Variants in AP3B2 observed in about 807,000 individuals in gnomAD.
AP3B2 encodes adaptor related protein complex 3 subunit beta 2.
In AP3B2, 50 loss-of-function variants were observed where a neutral mutation model predicts 126.9. The ratio of observed to expected loss-of-function variants is 0.39; its 90% CI spans 0.31 to 0.50. The LOEUF is 0.50. Ranked by LOEUF, AP3B2 falls within the 20% of genes least tolerant of loss-of-function variation. AP3B2 has a pLI of 0.79. For missense variants in AP3B2, 1,177 were observed against 1,426.4 expected, an observed-to-expected ratio of 0.83 and a Z score of 2.82; for synonymous variants, 541 against 565.0, an observed-to-expected ratio of 0.96 and a Z score of 0.60.
chr15:82,663,704 T>C, intron 20 of AP3B2, 84 bp from the exon 21 acceptor site: 3 of 1,606,314 alleles, frequency 1.9e-6, no homozygotes, highest in Non-Finnish European at 2.6e-6. Flanking sequence ...TCATGTTCTG[T>C]TCTGGATGGT....
intron 1 of AP3B2, chr15:82,700,020 G>A (rs1006085362): frequency 2.5e-6 from 1 of 397,436 alleles, no homozygotes; most frequent in Non-Finnish European, 4.4e-6. Flanking sequence ...CAGAGACAAG[G>A]CCTCTAGAGG....
At chr15:82,695,666 A>G (rs542013929) in intron 1 of AP3B2, among the ~76,000 whole-genome samples, 7 of 152,252 alleles carry the variant, frequency 4.6e-5, no homozygotes, top group Admixed American at 3.9e-4. Context: ...TCTACCCTTT[A>G]TAATAAATGG....
At chr15:82,707,336 C>T (rs1286944749) in intron 1 of AP3B2, among the ~76,000 whole-genome samples, 2 of 152,236 alleles carry the variant, frequency 1.3e-5, no homozygotes, top group South Asian at 2.1e-4. Flanking sequence ...GGCCTGTCCT[C>T]GGAATGCTGC....
rs1567257388 is a variant in AP3B2 at position 82,665,429 on chromosome 15, A to ACT, written c.1971+27_1971+28insAG. ...CACACACACACACACACACACACAC[A>ACT]CACACTTCAACCCTCCACCCCGCTG... is the stretch of plus-strand genomic sequence containing the variant. On this transcript the variant is annotated intron_variant, in intron 16 of 26. Transcript: ENST00000535359. The surrounding 1 kb of genome is among the most constrained non-coding windows in gnomAD (Gnocchi z 4.4). 7.3e-7 allele frequency: 1 copy of ACT among 1,373,092 alleles called. No individual in the cohort carries two copies. The highest frequency in any genetic ancestry group is 2.4e-5 in the East Asian group (1 of 42,064). The allele number at this position is 1,373,092 out of a possible 1,614,324, so 85.1% of individuals were successfully genotyped here. A position where few individuals can be genotyped will look rare whatever the true frequency, so the allele number is the denominator to read the frequency against.
rs887013005 is a variant in AP3B2, at chr15:82,665,982, G to A, written c.1853-407C>T. Among the ~76,000 whole-genome samples the A allele has an allele frequency of 5.9e-5, 9 of 152,248 alleles. No individual in the cohort carries two copies. Among genetic ancestry groups the A allele is most frequent in the Non-Finnish European group, 8.8e-5 (6 of 68,042 alleles). On this transcript the variant is annotated intron_variant, in intron 15 of 26. Coordinates refer to ENST00000535359, the MANE Select transcript of AP3B2 (RefSeq NM_001278512.2). The surrounding 1 kb of genome is among the most constrained non-coding windows in gnomAD (Gnocchi z 4.4). Reference sequence around the variant, plus strand: ...GGCACTGCTGGAGGAGGGCAGCACAGGCCTGTGAGTGAGGATGGTGTCGGG... The same window carrying A: ...GGCACTGCTGGAGGAGGGCAGCACAAGCCTGTGAGTGAGGATGGTGTCGGG...
At chr15:82,674,990 A>G (rs759881763) in intron 14 of AP3B2, among the ~76,000 whole-genome samples, 5 of 152,104 alleles carry the variant, frequency 3.3e-5, no homozygotes, top group African/African-American at 4.8e-5. Flanking sequence ...GAGCATGTCA[A>G]GACTCCCACC....
chr15:82,667,532 T>C (rs948091270), intron 14 of AP3B2, among the ~76,000 whole-genome samples: 3 of 152,228 alleles, frequency 2.0e-5, no homozygotes, highest in Admixed American at 6.5e-5. Flanking sequence ...GCCAAGGTCA[T>C]GTAGGGTTCA....
chr15:82,661,965 T>C, intron 24 of AP3B2, 43 bp from the exon 25 acceptor site: 1 of 1,553,578 alleles, frequency 6.4e-7, no homozygotes, highest in Non-Finnish European at 8.8e-7. Context: ...AAGGCTGTCA[T>C]CTCTCCCCTC....
chr15:82,659,606 A>G lies in AP3B2; in HGVS notation c.3260T>C (p.Ile1087Thr), dbSNP rs1477653158. 3 of 1,613,924 alleles carry G rather than the reference A, an allele frequency of 1.9e-6. No individual in the cohort carries two copies. Among genetic ancestry groups the G allele is most frequent in the East Asian group, 4.5e-5 (2 of 44,878 alleles). Residue 1087 changes from isoleucine (I) to threonine (T), a missense_variant, in exon 27 of 27, where the codon ATT (isoleucine) becomes ACT (threonine). By Grantham distance (89) the Ile-to-Thr change is moderately conservative (BLOSUM62 -1). Coordinates refer to ENST00000535359, the MANE Select transcript of AP3B2 (RefSeq NM_001278512.2). ...QLTVNSEKMV[I>T]GTMLVKDVIQ... ...CACATCCTTTACCAGCATGGTGCCA[A>G]TCACCATTTTCTCGCTGTTGACAGT...
rs1389597270 is a variant in AP3B2, at chr15:82,659,469, TGAGAG to T, written c.*86_*90del. 2.7e-6 allele frequency: 4 copies of T among 1,493,306 alleles called. No homozygotes were observed. The highest frequency in any genetic ancestry group is 2.7e-6 in the Non-Finnish European group (3 of 1,093,298). 92.5% of individuals were successfully genotyped at this position (1,493,306 alleles called of 1,614,324 possible). A position where few individuals can be genotyped will look rare whatever the true frequency, so the allele number is the denominator to read the frequency against. On this transcript the variant is annotated 3_prime_UTR_variant, in exon 27 of 27. Coordinates refer to ENST00000535359, the MANE Select transcript of AP3B2 (RefSeq NM_001278512.2). Reference sequence around the variant, plus strand: ...ATGCTATCTGGCATGAGGAGGATGATGAGAGAGAGAGAGAAAGATGAGAGAGACTG... The same window carrying T: ...ATGCTATCTGGCATGAGGAGGATGATAGAGAGAGAAAGATGAGAGAGACTG...
chr15:82,681,134 T>C lies in AP3B2; in HGVS notation c.566A>G (p.Lys189Arg). The C allele has an allele frequency of 6.2e-7, 1 of 1,613,336 alleles. No individual in the cohort carries two copies. The highest frequency in any genetic ancestry group is 8.5e-7 in the Non-Finnish European group (1 of 1,179,652). ...CACCGTGGTCTTGTCAGCCAGAAGC[T>C]TCTCAATGACTTCTATCAGCTGATC... ...QKDQLIEVIEKLLADKTTLVA... is the reference protein window; with the variant it reads ...QKDQLIEVIERLLADKTTLVA... Residue 189 changes from lysine to arginine, a missense_variant, in exon 6 of 27, where the codon AAG becomes AGG. Coordinates refer to ENST00000535359, the MANE Select transcript of AP3B2 (RefSeq NM_001278512.2). The surrounding 1 kb of genome is among the most constrained non-coding windows in gnomAD (Gnocchi z 4.0).
chr15:82,688,391 C>T (rs2048467586), intron 4 of AP3B2: 2 of 701,806 alleles, frequency 2.8e-6, no homozygotes, highest in Non-Finnish European at 5.2e-6. Context: ...ACAATTCACA[C>T]CTTTACACAA....
Position 82,659,995 on chromosome 15 carries a change from G to A in AP3B2, c.3017-12C>T, listed in dbSNP as rs1451655534. 3 of 1,613,340 alleles carry A rather than the reference G, an allele frequency of 1.9e-6. No individual in the cohort carries two copies. Among genetic ancestry groups the A allele is most frequent in the East Asian group, 2.2e-5 (1 of 44,876 alleles). On this transcript the variant is annotated splice_polypyrimidine_tract_variant and intron_variant, in intron 25 of 26. Transcript: ENST00000535359. ...GCCCATCAGCTTTCCTGGGGGTAGA[G>A]GTCGTGATGAGGGCAGAGGCCATGG...
In AP3B2 at chr15:82,681,311, C is replaced by G. The variant is rs1428143465; in HGVS notation, c.521+109G>C. 6.5e-7 allele frequency: 1 copy of G among 1,539,308 alleles called. No individual in the cohort carries two copies. Among genetic ancestry groups the G allele is most frequent in the Non-Finnish European group, 8.8e-7 (1 of 1,133,752 alleles). On this transcript the variant is annotated intron_variant, in intron 5 of 26. Coordinates refer to ENST00000535359, the MANE Select transcript of AP3B2 (RefSeq NM_001278512.2). The surrounding 1 kb of genome is among the most constrained non-coding windows in gnomAD (Gnocchi z 4.0). ...ATCTCTGTCAGTCCCCCAAACTACC[C>G]TCCTCAAACCCTCTGAGAAGCAGCA...
At chr15:82,672,488 G>C (rs2048174418) in intron 14 of AP3B2, among the ~76,000 whole-genome samples, 1 of 152,054 alleles carries the variant, frequency 6.6e-6, no homozygotes, top group Admixed American at 6.6e-5. Flanking sequence ...GGGAAGTGGG[G>C]ATAGTTAATG....
At chr15:82,707,595 A>G (rs1192484739) in intron 1 of AP3B2, among the ~76,000 whole-genome samples, 1 of 152,234 alleles carries the variant, frequency 6.6e-6, no homozygotes, top group Non-Finnish European at 1.5e-5. Flanking sequence ...CCAAACTGCC[A>G]GTCTTAACTC....
intron 14 of AP3B2, among the ~76,000 whole-genome samples, chr15:82,667,168 CA>C (rs1198924431): frequency 6.6e-6 from 1 of 152,186 alleles, no homozygotes; most frequent in Non-Finnish European, 1.5e-5. Context: ...CTTGGGCCAA[CA>C]AAAGAGGTTT....
chr15:82,670,379 G>T (rs1596173472), intron 14 of AP3B2, among the ~76,000 whole-genome samples: 1 of 152,126 alleles, frequency 6.6e-6, no homozygotes, highest in Non-Finnish European at 1.5e-5. Context: ...CAAGATGCTG[G>T]GATTACAGGC....
intron 20 of AP3B2, 31 bp downstream of exon 20, chr15:82,663,770 G>A (rs763132339): frequency 6.2e-7 from 1 of 1,603,636 alleles, no homozygotes; most frequent in African/African-American, 1.3e-5. Flanking sequence ...TGGCCCATGA[G>A]CACACCCTGA....
Sources: allele counts gnomAD v4.1 joint callset (sites outside exome capture counted in the v4.1 genomes callset), GRCh38; gene constraint gnomAD v4.1.1; non-coding constraint Gnocchi (gnomAD v3.1); transcripts MANE v1.5; gene names NCBI Gene and HGNC (gene_info 2026-07-23, HGNC 2026-07-21).